Variants in KLC1 observed in about 807,000 individuals in gnomAD.
KLC1 encodes kinesin 2 60/70kDa.
A neutral mutation model predicts 84.2 loss-of-function variants in KLC1; 30 were observed. That is an observed-to-expected ratio of 0.36 (90% CI 0.27 to 0.48). The LOEUF is 0.48. KLC1 is among the 20% of genes least tolerant of loss of function. The pLI is 0.99. For synonymous variants in KLC1, 289 were observed against 293.3 expected (o/e 0.99, Z 0.15); for missense variants, 499 against 805.4 (o/e 0.62, Z 4.60).
At chr14:103,670,150 A>G (rs2151665186) in intron 6 of KLC1, 32 bp from the exon 7 acceptor site, 1 of 1,499,614 alleles carries the variant, frequency 6.7e-7, no homozygotes. Context: ...GTTATCTTTT[A>G]CCATTCTTAG....
intron 14 of KLC1, among the ~76,000 whole-genome samples, chr14:103,688,347 C>CAGTGA (rs2081909180): frequency 6.6e-6 from 1 of 152,136 alleles, no homozygotes; most frequent in African/African-American, 2.4e-5. Flanking sequence ...AACGGGGTTT[C>CAGTGA]ACCATGTTAG....
At position 103,693,093 on chromosome 14, in the gene KLC1, T is replaced by C. The variant is rs2082214142; in HGVS notation, c.1848+668T>C. Among the ~76,000 whole-genome samples, 1 of 152,258 alleles carries C rather than the reference T, an allele frequency of 6.6e-6. No homozygotes were observed. Among genetic ancestry groups the C allele is most frequent in the African/African-American group, 2.4e-5 (1 of 41,468 alleles). On this transcript the variant is annotated intron_variant, in intron 15 of 16. Transcript: ENST00000334553. This position sits in a 1 kb window ranked among gnomAD's most constrained non-coding sequence, Gnocchi z 5.1. ...GGGGCCCACCCGGCAGCTCGAGCTG[T>C]TGGGACTTGGCAGTCCCTGCCCCTG...
At chr14:103,674,098 A>G (rs2080668895) in intron 9 of KLC1, among the ~76,000 whole-genome samples, 1 of 152,150 alleles carries the variant, frequency 6.6e-6, no homozygotes, top group Non-Finnish European at 1.5e-5. Flanking sequence ...TCATGTCCTC[A>G]TTGCAGAGAC....
chr14:103,690,796 T>A (rs955350398), intron 14 of KLC1, among the ~76,000 whole-genome samples: 1 of 151,830 alleles, frequency 6.6e-6, no homozygotes, highest in African/African-American at 2.4e-5. Context: ...TATAGATTAT[T>A]TATAGGCTGT....
intron 15 of KLC1, chr14:103,697,595 A>G (rs772707197): frequency 7.9e-5 from 12 of 152,262 alleles, no homozygotes; most frequent in Admixed American, 4.6e-4. Context: ...CCTGGCAGAC[A>G]GCAAGAAGCA....
At chr14:103,674,771 A>G (rs571627856) in intron 9 of KLC1, among the ~76,000 whole-genome samples, 3 of 152,130 alleles carry the variant, frequency 2.0e-5, no homozygotes, top group South Asian at 2.1e-4. Flanking sequence ...TTCTTAGACT[A>G]TTGTTTAATG....
chr14:103,633,264 A>G (rs1055025318), intron 1 of KLC1, among the ~76,000 whole-genome samples: 1 of 151,996 alleles, frequency 6.6e-6, no homozygotes, highest in Non-Finnish European at 1.5e-5. Flanking sequence ...TCACCACGTT[A>G]GCCAGGATGG....
intron 5 of KLC1, among the ~76,000 whole-genome samples, chr14:103,667,793 TC>T (rs2080000520): frequency 6.6e-6 from 1 of 152,234 alleles, no homozygotes; most frequent in Admixed American, 6.5e-5. Context: ...TATTAACCTT[TC>T]TCACGTTTTT....
intron 13 of KLC1, among the ~76,000 whole-genome samples, chr14:103,681,704 G>A (rs548650194): frequency 1.3e-5 from 2 of 152,056 alleles, no homozygotes; most frequent in Non-Finnish European, 2.9e-5. Flanking sequence ...TGATCTGCCC[G>A]CCTCGGCCTC....
At chr14:103,665,070 TA>T (rs1338021978) in intron 5 of KLC1, among the ~76,000 whole-genome samples, 1 of 152,042 alleles carries the variant, frequency 6.6e-6, no homozygotes, top group East Asian at 1.9e-4. Flanking sequence ...GGGAAAAAAA[TA>T]GTAGCTACAT....
At chr14:103,671,384 T>G (rs2080376067) in intron 7 of KLC1, among the ~76,000 whole-genome samples, 1 of 152,130 alleles carries the variant, frequency 6.6e-6, no homozygotes, top group African/African-American at 2.4e-5. Context: ...GTTTTTTTTT[T>G]TCTGAAACGG....
chr14:103,682,375 G>GAAAAAAAAAA (rs3035510), intron 13 of KLC1: 2 of 97,682 alleles, frequency 2.0e-5, no homozygotes, highest in South Asian at 3.5e-4. Flanking sequence ...GTCTCAAAAA[G>GAAAAAAAAAA]AAAAAAAAAA....
chr14:103,694,814 A>T lies in KLC1; in HGVS notation c.1848+2389A>T, dbSNP rs1027121750. 2.9e-5 allele frequency: 29 copies of T among 985,410 alleles called. 1 individual carries two copies. The African/African-American group carries it at 5.1e-4, about 17-fold the overall frequency. 61.0% of individuals were successfully genotyped at this position (985,410 alleles called of 1,614,324 possible). ...CCCGTGGGGCACGAAGGCTGGGGAC[A>T]GAGTGTCCTGAGGTTTTGTTACAAG... On this transcript the variant is annotated intron_variant, in intron 15 of 16. Coordinates refer to ENST00000334553, the MANE Select transcript of KLC1 (RefSeq NM_001394837.1). The surrounding 1 kb of genome is among the most constrained non-coding windows in gnomAD (Gnocchi z 4.5).
At chr14:103,698,634 C>G in intron 15 of KLC1, 1 of 692,908 alleles carries the variant, frequency 1.4e-6, no homozygotes, top group South Asian at 1.7e-5. Context: ...GGGGGTCAGT[C>G]TGTGGCCACC....
chr14:103,680,107 C>A (rs1388178484), intron 13 of KLC1, among the ~76,000 whole-genome samples: 1 of 152,186 alleles, frequency 6.6e-6, no homozygotes, highest in Non-Finnish European at 1.5e-5. Context: ...GGGGCTGGCT[C>A]TTCCTGGTTG....
intron 1 of KLC1, among the ~76,000 whole-genome samples, chr14:103,649,093 T>G (rs1323314255): frequency 6.6e-6 from 1 of 151,808 alleles, no homozygotes; most frequent in Non-Finnish European, 1.5e-5. Context: ...GCCAAAATAG[T>G]GCCATTGCAG....
At chr14:103,634,316 G>T (rs1486364250) in intron 1 of KLC1, among the ~76,000 whole-genome samples, 1 of 152,108 alleles carries the variant, frequency 6.6e-6, no homozygotes, top group Non-Finnish European at 1.5e-5. Context: ...TTTGTTGAAG[G>T]AATGCATCTA....
intron 5 of KLC1, among the ~76,000 whole-genome samples, chr14:103,667,798 C>G (rs1363300561): frequency 6.6e-6 from 1 of 152,212 alleles, no homozygotes; most frequent in South Asian, 2.1e-4. Flanking sequence ...ACCTTTCTCA[C>G]GTTTTTCAGG....
chr14:103,676,525 CAA>C (rs2151732381), intron 11 of KLC1, among the ~76,000 whole-genome samples: 1 of 152,298 alleles, frequency 6.6e-6, no homozygotes, highest in South Asian at 2.1e-4. Flanking sequence ...CTCGGCCTCC[CAA>C]AGTGCTGGGA....
Sources: allele counts gnomAD v4.1 joint callset (sites outside exome capture counted in the v4.1 genomes callset), GRCh38; gene constraint gnomAD v4.1.1; non-coding constraint Gnocchi (gnomAD v3.1); transcripts MANE v1.5; gene names NCBI Gene and HGNC (gene_info 2026-07-23, HGNC 2026-07-21).